The following ZNF117 variants were observed in gnomAD, a reference collection of about 807,000 sequenced individuals.
ZNF117 encodes the protein zinc finger protein 117.
A neutral mutation model predicts 41.2 loss-of-function variants in ZNF117; 37 were observed. The ratio of observed to expected loss-of-function variants is 0.90; its 90% CI spans 0.69 to 1.18. ZNF117 has a LOEUF of 1.18. Ranked by LOEUF, ZNF117 falls within the 50% of genes most tolerant of loss-of-function variation. The probability of loss-of-function intolerance (pLI) is 0.00; values close to 1 mark genes in which losing one functional copy is unlikely to be tolerated. For missense variants in ZNF117, 546 were observed against 557.5 expected (o/e 0.98, Z 0.21); for synonymous variants, 186 against 186.6 (o/e 1.00, Z 0.02).
chr7:64,979,407 C>G lies in ZNF117; in HGVS notation c.164G>C (p.Ser55Thr), dbSNP rs181739156. 4.4e-5 allele frequency: 71 copies of G among 1,610,658 alleles called. No homozygotes were observed. The African/African-American group carries it at 8.9e-4, about 20-fold the overall frequency. The change falls in exon 3 of 3, where the codon AGT becomes ACT. Residue 55 changes from serine (S) to threonine (T), a missense_variant. Coordinates refer to ENST00000620222, the Ensembl canonical transcript of ZNF117. ...TTTGTGCTGTTTACACTCAACCACA[C>G]TTTTACAGCCTTTTCTTAACTGTAA...
exon 3 of ZNF117, chr7:64,978,602 A>G (rs1785952302): frequency 1.2e-6 from 2 of 1,612,372 alleles, no homozygotes; most frequent in African/African-American, 2.7e-5. Flanking sequence ...GAATTTTTTT[A>G]TGGTCAGTAA....
At position 64,977,181 on chromosome 7, in the gene ZNF117, G is replaced by GT. The variant is rs540564856; in HGVS notation, c.*937dup. 1.1e-3 allele frequency: 498 copies of GT among 454,922 alleles called. 7 individuals are homozygous for GT. The highest frequency in any genetic ancestry group is 8.0e-3 in the South Asian group (489 of 61,134). 28.2% of individuals were successfully genotyped at this position (454,922 alleles called of 1,614,324 possible). The stretch of plus-strand genomic sequence containing the variant: ...TCCAGTATGAATTACCTTATGTTTA[G>GT]TAAGCGTTGAGGACAGGTTAAAGGC... On this transcript the variant is annotated 3_prime_UTR_variant, in exon 3 of 3. Transcript: ENST00000620222.
chr7:64,979,539 G>A lies in ZNF117; in HGVS notation c.35-3C>T. ...TTGGGCAAAATAATAAAACATAACT[G>A]AAAGAAATAAAAGTAACAAACTACT... On this transcript the variant is annotated splice_polypyrimidine_tract_variant and splice_region_variant and intron_variant, in intron 2 of 2. Coordinates refer to ENST00000620222, the Ensembl canonical transcript of ZNF117. 1 of 1,460,066 alleles carries A rather than the reference G, an allele frequency of 6.8e-7. No homozygotes were observed. Among genetic ancestry groups the A allele is most frequent in the African/African-American group, 1.4e-5 (1 of 70,282 alleles). 90.4% of individuals were successfully genotyped at this position (1,460,066 alleles called of 1,614,324 possible).
upstream of ZNF117, among the ~76,000 whole-genome samples, chr7:64,984,836 G>A (rs566623092): frequency 6.6e-6 from 1 of 152,190 alleles, no homozygotes; most frequent in South Asian, 2.1e-4. Context: ...TATTGCCCAG[G>A]CTGGAGTGCA....
upstream of ZNF117, among the ~76,000 whole-genome samples, chr7:64,982,772 A>G (rs543691806): frequency 1.3e-5 from 2 of 152,312 alleles, no homozygotes; most frequent in South Asian, 2.1e-4. Context: ...ATTAAATGTG[A>G]TGGTTTACAT....
chr7:64,978,524 A>G, exon 3 of ZNF117: 1 of 1,613,300 alleles, frequency 6.2e-7, no homozygotes. Context: ...CCTTATGTCT[A>G]GTAAGGTTTG....
exon 3 of ZNF117, chr7:64,976,440 T>TAAA (rs71061343): frequency 8.1e-4 from 121 of 149,670 alleles, no homozygotes; most frequent in South Asian, 2.4e-3. Flanking sequence ...AGACTCCATC[T>TAAA]AAAAAAAAAA....
exon 3 of ZNF117, chr7:64,978,651 C>T: frequency 1.2e-6 from 2 of 1,612,726 alleles, no homozygotes; most frequent in South Asian, 2.2e-5. Context: ...ACATTCTTCA[C>T]ATTTGTAGGG....
At chr7:64,986,107 G>T (rs1786129259), upstream of ZNF117, among the ~76,000 whole-genome samples, 1 of 151,720 alleles carries the variant, frequency 6.6e-6, no homozygotes, top group Non-Finnish European at 1.5e-5. Flanking sequence ...CATGCCATGT[G>T]CACTTGAGAA....
upstream of ZNF117, among the ~76,000 whole-genome samples, chr7:64,983,098 ATC>A (rs1428575364): frequency 6.6e-6 from 1 of 152,212 alleles, no homozygotes; most frequent in Non-Finnish European, 1.5e-5. Flanking sequence ...GCAGGTATCT[ATC>A]TCCTAATAAT....
chr7:64,978,756 G>C (rs1001001512), exon 3 of ZNF117: 1 of 1,613,216 alleles, frequency 6.2e-7, no homozygotes, highest in African/African-American at 1.3e-5. Flanking sequence ...CTTCTCTCCA[G>C]TATGAATGTA....
downstream of ZNF117, chr7:64,973,720 G>C (rs1303869687): frequency 6.6e-6 from 1 of 151,692 alleles, no homozygotes; most frequent in African/African-American, 2.4e-5. Context: ...AGAAGGAGAA[G>C]GGCTGTGATG....
chr7:64,978,727 A>G (rs767625957), exon 3 of ZNF117: 5 of 1,613,076 alleles, frequency 3.1e-6, no homozygotes, highest in Non-Finnish European at 4.2e-6. Flanking sequence ...GCTTTACCAC[A>G]TTCTTCACAT....
exon 3 of ZNF117, chr7:64,978,115 AG>A: frequency 6.2e-7 from 1 of 1,605,110 alleles, no homozygotes; most frequent in Non-Finnish European, 8.5e-7. Flanking sequence ...ATGAGTTTTG[AG>A]GATCAGGTAG....
chr7:64,974,370 G>C (rs1785833024), downstream of ZNF117: 1 of 151,846 alleles, frequency 6.6e-6, no homozygotes, highest in Non-Finnish European at 1.5e-5. Flanking sequence ...TTTGCATGGA[G>C]AGATTCTGAA....
downstream of ZNF117, chr7:64,974,341 C>T (rs568124136): frequency 1.3e-5 from 2 of 151,712 alleles, no homozygotes; most frequent in African/African-American, 4.8e-5. Context: ...GCATGACTAA[C>T]AGGCAAGTAA....
upstream of ZNF117, among the ~76,000 whole-genome samples, chr7:64,984,822 G>A (rs570926157): frequency 6.2e-4 from 94 of 151,988 alleles, no homozygotes; most frequent in Admixed American, 1.4e-3. Flanking sequence ...AAACAGTCTC[G>A]CTCTATTGCC....
chr7:64,987,889 C>T (rs1161081661), intron 1 of ZNF117, among the ~76,000 whole-genome samples: 2 of 151,118 alleles, frequency 1.3e-5, no homozygotes, highest in African/African-American at 4.8e-5. Context: ...AATATATCCT[C>T]CCAAGACTGA....
At chr7:64,981,465 G>GTTATTT (rs1786031838) in exon 2 of ZNF117, 1 of 1,604,748 alleles carries the variant, frequency 6.2e-7, no homozygotes, top group Non-Finnish European at 8.5e-7. Flanking sequence ...ATCAGGTCTG[G>GTTATTT]CTTAGAGACA....
Sources: gnomAD v4.1 joint callset for allele counts (sites outside exome capture counted in the v4.1 genomes callset) on GRCh38, gnomAD v4.1.1 for gene constraint, MANE v1.5 for transcripts, NCBI Gene and HGNC (gene_info 2026-07-23, HGNC 2026-07-21) for gene names.